The following THADA variants were observed in gnomAD, a reference collection of about 807,000 sequenced individuals.
The protein encoded by THADA is THADA armadillo repeat containing, also known as tRNA (32-2'-O)-methyltransferase regulator THADA.
THADA carries 213 observed loss-of-function variants against 219.8 expected under a neutral mutation model. That is an observed-to-expected ratio of 0.97 (90% CI 0.87 to 1.09). THADA has a LOEUF of 1.09. Among genes scored for constraint, THADA ranks in the 50% least tolerant of loss-of-function variants. The pLI, the probability that THADA is intolerant of heterozygous loss-of-function variation, is 0.00. For missense variants in THADA, 2,956 were observed against 2,311.3 expected (o/e 1.28, Z -5.72); for synonymous variants, 1,018 against 828.9 (o/e 1.23, Z -3.92).
chr2:43,442,373 T>C (rs1239006987), intron 26 of THADA, among the ~76,000 whole-genome samples: 1 of 151,368 alleles, frequency 6.6e-6, no homozygotes, highest in African/African-American at 2.4e-5. Context: ...GAGGCGGAGG[T>C]TGCAGTGAGC....
chr2:43,505,758 T>C (rs1479976290), intron 23 of THADA, 23 bp from the exon 24 acceptor site: 2 of 1,508,972 alleles, frequency 1.3e-6, no homozygotes, highest in Admixed American at 1.9e-5. Context: ...AATGCAAAAA[T>C]TAACAGGGTT....
chr2:43,471,737 C>T (rs939880528), intron 26 of THADA, among the ~76,000 whole-genome samples: 1 of 152,158 alleles, frequency 6.6e-6, no homozygotes, highest in Non-Finnish European at 1.5e-5. Flanking sequence ...CATTTGGTTC[C>T]TAATTAATGA....
At chr2:43,526,078 A>G (rs905433825) in intron 22 of THADA, among the ~76,000 whole-genome samples, 2 of 152,200 alleles carry the variant, frequency 1.3e-5, no homozygotes, top group African/African-American at 4.8e-5. Context: ...TTAAATATCT[A>G]TTTTATTTGA....
Position 43,412,391 on chromosome 2 carries a change from C to T in THADA, c.4059-14252G>A, listed in dbSNP as rs186656697. Among the ~76,000 whole-genome samples the T allele has an allele frequency of 2.5e-3, 377 of 152,196 alleles. 2 individuals carry two copies. Among genetic ancestry groups the T allele is most frequent in the South Asian group, 0.018 (86 of 4,810 alleles). On this transcript the variant is annotated intron_variant, in intron 28 of 37. Coordinates refer to ENST00000405975, the MANE Select transcript of THADA (RefSeq NM_022065.5). ...TTCAATACTGTTTAACTTTTGGGTG[C>T]TAAAATCTAATAAATATAATATTTC...
chr2:43,231,254 G>T lies in THADA; in HGVS notation c.5556C>A (p.Phe1852Leu), dbSNP rs1320651415. 6.2e-7 allele frequency: 1 copy of T among 1,612,700 alleles called. No homozygotes were observed. The highest frequency in any genetic ancestry group is 8.5e-7 in the Non-Finnish European group (1 of 1,179,532). The change falls in exon 38 of 38, where the codon TTC (phenylalanine) becomes TTA (leucine). Residue 1852 changes from phenylalanine (F) to leucine (L), a missense_variant. Transcript: ENST00000405975. Reference sequence around the variant, plus strand: ...GCCAGCCGGACTTTGAGAGGAGACAGAAGAGGTGCTTGCAGAGGTATTTCA... The same window carrying T: ...GCCAGCCGGACTTTGAGAGGAGACATAAGAGGTGCTTGCAGAGGTATTTCA... ...IFVKYLCKHL[F>L]CLLSKSGWRP...
intron 15 of THADA, among the ~76,000 whole-genome samples, chr2:43,560,594 T>A (rs887156956): frequency 2.0e-5 from 3 of 152,216 alleles, no homozygotes; most frequent in Non-Finnish European, 4.4e-5. Context: ...AAAAGATTTT[T>A]AAACCATTCC....
At chr2:43,505,511 G>A (rs186041441) in intron 24 of THADA, 111 bp downstream of exon 24, 26 of 693,498 alleles carry the variant, frequency 3.7e-5, no homozygotes, top group Admixed American at 9.1e-5. Context: ...CTGAGATCGC[G>A]CCACTGTACT....
At position 43,528,118 on chromosome 2, in the gene THADA, G is replaced by A. The variant is rs112130489; in HGVS notation, c.3265-130C>T. ...TAGCGCTTACCATATGACAGAACAT[G>A]TTTTAAGCTTTTTTTTTTTTTTTTT... On this transcript the variant is annotated intron_variant, in intron 21 of 37. Transcript: ENST00000405975. 6.1e-3 allele frequency: 1,295 copies of A among 212,216 alleles called. 16 individuals are homozygous for A. Among genetic ancestry groups the A allele is most frequent in the African/African-American group, 0.036 (1,217 of 33,474 alleles). 13.1% of individuals were successfully genotyped at this position (212,216 alleles called of 1,614,324 possible).
intron 7 of THADA, among the ~76,000 whole-genome samples, chr2:43,582,673 G>A (rs184173256): frequency 4.8e-5 from 7 of 147,264 alleles, no homozygotes; most frequent in South Asian, 2.3e-4. Flanking sequence ...GGGTTCAAGC[G>A]ATTCTCCTGC....
chr2:43,498,717 G>A lies in THADA; in HGVS notation c.3744+116C>T, dbSNP rs565166615. On this transcript the variant is annotated intron_variant, in intron 25 of 37. Transcript: ENST00000405975. ...TGTAGCTTGATCCAAAGATTTCTAA[G>A]AAAATTCATGGTAAAGGGCAGGAAA... The A allele has an allele frequency of 3.6e-5, 42 of 1,165,192 alleles. No individual in the cohort carries two copies. In the African/African-American group the frequency reaches 5.6e-4, roughly 16 times the overall value. 72.2% of individuals were successfully genotyped at this position (1,165,192 alleles called of 1,614,324 possible).
At chr2:43,370,639 G>C (rs188270515) in intron 29 of THADA, among the ~76,000 whole-genome samples, 37 of 152,238 alleles carry the variant, frequency 2.4e-4, no homozygotes, top group Admixed American at 4.6e-4. Flanking sequence ...TTAAGCAAAT[G>C]ATAGGAAGCT....
intron 28 of THADA, among the ~76,000 whole-genome samples, chr2:43,402,850 T>C (rs1675032956): frequency 6.6e-6 from 1 of 152,182 alleles, no homozygotes; most frequent in African/African-American, 2.4e-5. Context: ...CAGCTCTGCC[T>C]AAGTGGGGAG....
intron 29 of THADA, among the ~76,000 whole-genome samples, chr2:43,363,077 A>G (rs1289552293): frequency 6.6e-6 from 1 of 152,208 alleles, no homozygotes; most frequent in Non-Finnish European, 1.5e-5. Flanking sequence ...ACTGTTTTAC[A>G]GTTAACAATT....
chr2:43,294,805 C>G (rs1675168705), intron 31 of THADA, among the ~76,000 whole-genome samples: 1 of 151,724 alleles, frequency 6.6e-6, no homozygotes, highest in African/African-American at 2.4e-5. Flanking sequence ...CGCTGAAGGT[C>G]TGAAGCCAAG....
chr2:43,302,265 T>C (rs1207657518), intron 31 of THADA, among the ~76,000 whole-genome samples: 2 of 152,114 alleles, frequency 1.3e-5, no homozygotes, highest in Non-Finnish European at 2.9e-5. Context: ...ATCAAGTCCC[T>C]GCTTTAATGG....
Position 43,592,024 on chromosome 2 carries a change from T to C in THADA, c.99A>G (p.Lys33=). 3 of 1,561,810 alleles carry C rather than the reference T, an allele frequency of 1.9e-6. No individual in the cohort carries two copies. The highest frequency in any genetic ancestry group is 2.6e-6 in the Non-Finnish European group (3 of 1,151,742). ...TLKSFADVEG[K]NLASLLLHCV... The stretch of plus-strand genomic sequence containing the variant: ...AATGTAACAGCAAAGAAGCTAGATT[T>C]TTCCCTTCCACATCAGCAAAAGCTA... Residue 33 remains lysine (K), a synonymous_variant, in exon 3 of 38, where the codon AAA becomes AAG. Coordinates refer to ENST00000405975, the MANE Select transcript of THADA (RefSeq NM_022065.5).
At chr2:43,343,925 T>C (rs1334789412) in intron 30 of THADA, 197 bp downstream of exon 30, 3 of 481,862 alleles carry the variant, frequency 6.2e-6, no homozygotes, top group African/African-American at 3.9e-5. Context: ...CTCAGTCACT[T>C]AGCAGTTTTA....
intron 25 of THADA, among the ~76,000 whole-genome samples, chr2:43,492,498 G>T (rs1687768152): frequency 1.3e-5 from 2 of 152,070 alleles, no homozygotes; most frequent in South Asian, 4.1e-4. Context: ...CCTACTATGT[G>T]CAATTGCTAT....
intron 29 of THADA, among the ~76,000 whole-genome samples, chr2:43,368,261 GA>G (rs756949436): frequency 1.3e-5 from 2 of 152,152 alleles, no homozygotes; most frequent in Non-Finnish European, 2.9e-5. Flanking sequence ...TCATCTTAAG[GA>G]GGTACAAAAG....
Sources: allele counts gnomAD v4.1 joint callset (sites outside exome capture counted in the v4.1 genomes callset), GRCh38; gene constraint gnomAD v4.1.1; transcripts MANE v1.5; gene names NCBI Gene and HGNC (gene_info 2026-07-23, HGNC 2026-07-21).